CCDC42: variants seen among roughly 807,000 people sequenced by gnomAD.
CCDC42 encodes the protein coiled-coil domain-containing protein 42.
A neutral mutation model predicts 40.8 loss-of-function variants in CCDC42; 38 were observed. The ratio of observed to expected loss-of-function variants is 0.93; its 90% CI spans 0.72 to 1.22. The LOEUF (loss-of-function observed/expected upper bound fraction) is 1.22. CCDC42 is among the 50% of genes most tolerant of loss of function. The pLI, the probability that CCDC42 is intolerant of heterozygous loss-of-function variation, is 0.00. For synonymous variants in CCDC42, 135 were observed against 157.5 expected (o/e 0.86, Z 1.07); for missense variants, 379 against 416.5 (o/e 0.91, Z 0.78).
intron 4 of CCDC42, among the ~76,000 whole-genome samples, chr17:8,739,947 A>G (rs963923343): frequency 3.3e-5 from 5 of 152,184 alleles, no homozygotes; most frequent in Non-Finnish European, 7.3e-5. Context: ...TATAGTACGT[A>G]GCACCTTTGA....
intron 4 of CCDC42, among the ~76,000 whole-genome samples, chr17:8,736,318 T>C (rs1032435838): frequency 6.6e-6 from 1 of 152,162 alleles, no homozygotes; most frequent in African/African-American, 2.4e-5. Flanking sequence ...TATTTGTTCA[T>C]TTACTGAGGG....
intron 3 of CCDC42, 53 bp from the exon 4 acceptor site, chr17:8,741,724 G>A (rs1418618865): frequency 1.5e-5 from 23 of 1,561,700 alleles, no homozygotes; most frequent in Non-Finnish European, 1.9e-5. Flanking sequence ...GCCCTCCCGG[G>A]GCCCAGGCCT....
intron 4 of CCDC42, 79 bp downstream of exon 4, chr17:8,741,395 C>T: frequency 1.4e-6 from 2 of 1,419,790 alleles, no homozygotes; most frequent in East Asian, 2.3e-5. Context: ...TGAATTCCAT[C>T]CCATGGCCCC....
In CCDC42 at chr17:8,744,542, A is replaced by C. The variant is rs1187381478; in HGVS notation, c.68T>G (p.Leu23Arg). 3 of 1,611,992 alleles carry C rather than the reference A, an allele frequency of 1.9e-6. No homozygotes were observed. The highest frequency in any genetic ancestry group is 2.2e-5 in the South Asian group (2 of 91,076). The part of the protein sequence containing the change: ...EYFRLQYGER[L>R]LQMLQKLPNV... ...AGACACTCACTGGAGCATCTGCAGCAGCCGCTCCCCATACTGCAGCCGGAA... is the reference window on the plus strand; with the variant it reads ...AGACACTCACTGGAGCATCTGCAGCCGCCGCTCCCCATACTGCAGCCGGAA... The change falls in exon 1 of 7, where the codon CTG becomes CGG. Residue 23 changes from leucine (L) to arginine (R), a missense_variant. Transcript: ENST00000293845.
At position 8,735,772 on chromosome 17, in the gene CCDC42, T is replaced by C. The variant is rs35350593; in HGVS notation, c.493-161A>G. On this transcript the variant is annotated intron_variant, in intron 4 of 6. Coordinates refer to ENST00000293845, the MANE Select transcript of CCDC42 (RefSeq NM_144681.3). The surrounding 1 kb of genome is among the most constrained non-coding windows in gnomAD (Gnocchi z 4.7). Reference sequence around the variant, plus strand: ...CAGAGGCTGTGAGGGACACTGGGGTTCCGCTGCCTGCTTCTCCTGGGTTTG... The same window carrying C: ...CAGAGGCTGTGAGGGACACTGGGGTCCCGCTGCCTGCTTCTCCTGGGTTTG... Among the ~76,000 whole-genome samples the C allele has an allele frequency of 0.43, 64,638 of 152,030 alleles. 14,057 individuals carry two copies. Among genetic ancestry groups the C allele is most frequent in the Non-Finnish European group, 0.46 (31,291 of 67,952 alleles).
At chr17:8,732,211 A>G (rs1334889992) in intron 6 of CCDC42, among the ~76,000 whole-genome samples, 1 of 148,754 alleles carries the variant, frequency 6.7e-6, no homozygotes. Context: ...AGGCAGGAGA[A>G]TGGCGTGAAC....
Position 8,735,309 on chromosome 17 carries a change from G to C in CCDC42, c.715-55C>G. ...CACAGCATGTGGTGTGTGTGTGTTT[G>C]TGTGTATGTGTGTGTGTGTATGCTC... is the stretch of plus-strand genomic sequence containing the variant. On this transcript the variant is annotated intron_variant, in intron 5 of 6. Transcript: ENST00000293845. The surrounding 1 kb of genome is among the most constrained non-coding windows in gnomAD (Gnocchi z 4.7). 6.2e-7 allele frequency: 1 copy of C among 1,611,212 alleles called. No individual in the cohort carries two copies. The highest frequency in any genetic ancestry group is 8.5e-7 in the Non-Finnish European group (1 of 1,177,658).
intron 4 of CCDC42, among the ~76,000 whole-genome samples, chr17:8,738,395 A>G (rs1245767161): frequency 6.6e-6 from 1 of 152,118 alleles, no homozygotes; most frequent in Non-Finnish European, 1.5e-5. Flanking sequence ...ACTTTTGTGT[A>G]TGCTTAAAAA....
chr17:8,734,832 A>G (rs73973202), intron 6 of CCDC42, among the ~76,000 whole-genome samples: 4,485 of 152,228 alleles, frequency 0.029, 234 homozygotes, highest in African/African-American at 0.1. Flanking sequence ...AATGGTTCTC[A>G]AAGTATGGAA....
intron 4 of CCDC42, among the ~76,000 whole-genome samples, chr17:8,736,605 G>A (rs1472024391): frequency 6.6e-6 from 1 of 152,218 alleles, no homozygotes; most frequent in Non-Finnish European, 1.5e-5. Flanking sequence ...TCCAGTGATG[G>A]ATGCGTGTCC....
rs752804768 is a variant in CCDC42, at chr17:8,741,563, G to C, written c.403C>G (p.Leu135Val). ...CTCAGCCGCTGGTGCTCCAGCCGCA[G>C]CGCCACCATCTCCTGCTTGCGCTTG... Reference protein sequence around the residue: ...LTKRKQEMVALRLEHQRLSAK... With the variant: ...LTKRKQEMVAVRLEHQRLSAK... The change falls in exon 4 of 7, where the codon CTG becomes GTG. Residue 135 changes from leucine (L) to valine (V), a missense_variant. Leu to Val is a conservative substitution (Grantham distance 32, BLOSUM62 1). Coordinates refer to ENST00000293845, the MANE Select transcript of CCDC42 (RefSeq NM_144681.3). The C allele has an allele frequency of 6.2e-7, 1 of 1,614,220 alleles. No individual in the cohort carries two copies. The highest frequency in any genetic ancestry group is 8.5e-7 in the Non-Finnish European group (1 of 1,180,042).
chr17:8,735,001 T>A lies in CCDC42; in HGVS notation c.873+95A>T, dbSNP rs2086600959. ...TGTTAAATTTTGAGAGTCCCTGCTC[T>A]GCTTCTCTGTCAGGTTCATTCTTCC... On this transcript the variant is annotated intron_variant, in intron 6 of 6. Coordinates refer to ENST00000293845, the MANE Select transcript of CCDC42 (RefSeq NM_144681.3). The surrounding 1 kb of genome is among the most constrained non-coding windows in gnomAD (Gnocchi z 4.7). 22 of 1,370,080 alleles carry A rather than the reference T, an allele frequency of 1.6e-5. No homozygotes were observed. The highest frequency in any genetic ancestry group is 2.1e-5 in the Non-Finnish European group (21 of 982,332). 84.9% of individuals were successfully genotyped at this position (1,370,080 alleles called of 1,614,324 possible). A position where few individuals can be genotyped will look rare whatever the true frequency, so the allele number is the denominator to read the frequency against.
At position 8,744,100 on chromosome 17, in the gene CCDC42, T is replaced by C; in HGVS notation, c.168A>G (p.Gln56=). The C allele has an allele frequency of 6.2e-7, 1 of 1,613,198 alleles. No individual in the cohort carries two copies. The highest frequency in any genetic ancestry group is 8.5e-7 in the Non-Finnish European group (1 of 1,179,326). The change falls in exon 2 of 7, where the codon CAA becomes CAG. Residue 56 remains glutamine, a synonymous_variant. Transcript: ENST00000293845. ...CCACCTTCTTCTTCTGCACCATAGT[T>C]TGATGCATGATTTCTGTCTCCTTTT... ...EKKKETEIMH[Q]TMVQKKKMFQ...
In CCDC42 at chr17:8,744,286, G is replaced by A. The variant is rs893858933; in HGVS notation, c.84-102C>T. The A allele has an allele frequency of 9.0e-6, 8 of 886,090 alleles. No individual in the cohort carries two copies. The African/African-American group carries it at 1.2e-4, about 13-fold the overall frequency. 54.9% of individuals were successfully genotyped at this position (886,090 alleles called of 1,614,324 possible). ...CAGATACCCATGGGGAAGCAGAGGG[G>A]CCTCTCTCCCTTTCCGAGGGAAAGG... On this transcript the variant is annotated intron_variant, in intron 1 of 6. Coordinates refer to ENST00000293845, the MANE Select transcript of CCDC42 (RefSeq NM_144681.3).
At chr17:8,734,968 C>T (rs1247796765) in intron 6 of CCDC42, 128 bp downstream of exon 6, 4 of 955,634 alleles carry the variant, frequency 4.2e-6, no homozygotes, top group Admixed American at 4.5e-5. Flanking sequence ...CCCAGGTGAT[C>T]CTGATGTTGT....
At chr17:8,733,816 C>T (rs1395935831) in intron 6 of CCDC42, among the ~76,000 whole-genome samples, 1 of 152,128 alleles carries the variant, frequency 6.6e-6, no homozygotes, top group Non-Finnish European at 1.5e-5. Context: ...TTTACAACAG[C>T]TAAGGGCAAG....
At chr17:8,744,272 G>A (rs2086664218) in intron 1 of CCDC42, 88 bp from the exon 2 acceptor site, 3 of 1,009,942 alleles carry the variant, frequency 3.0e-6, no homozygotes, top group South Asian at 2.9e-5. Context: ...AGATACCCAT[G>A]GGGAAGCAGA....
rs1168448825 is a variant in CCDC42, at chr17:8,744,591, C to G, written c.19G>C (p.Glu7Gln). The change falls in exon 1 of 7, where the codon GAA (glutamate) becomes CAA (glutamine). Residue 7 changes from glutamate (E) to glutamine (Q), a missense_variant. Coordinates refer to ENST00000293845, the MANE Select transcript of CCDC42 (RefSeq NM_144681.3). ...AAGTACTCGGCCAGGTCTTCCTCTT[C>G]CATGATGCCCAGACTCATGGTGGCA... MSLGIMEEEDLAEYFRL... is the reference protein window; with the variant it reads MSLGIMQEEDLAEYFRL... 1 of 1,612,446 alleles carries G rather than the reference C, an allele frequency of 6.2e-7. No homozygotes were observed. Among genetic ancestry groups the G allele is most frequent in the African/African-American group, 1.3e-5 (1 of 74,914 alleles).
chr17:8,742,139 TC>T (rs2151140488), intron 3 of CCDC42, among the ~76,000 whole-genome samples: 1 of 152,010 alleles, frequency 6.6e-6, no homozygotes, highest in South Asian at 2.1e-4. Flanking sequence ...TGGTTTCTGT[TC>T]TTAGTGGTGG....
Sources: gnomAD v4.1 joint callset for allele counts (sites outside exome capture counted in the v4.1 genomes callset) on GRCh38, gnomAD v4.1.1 for gene constraint, Gnocchi (gnomAD v3.1) non-coding constraint, MANE v1.5 for transcripts, NCBI Gene and HGNC (gene_info 2026-07-23, HGNC 2026-07-21) for gene names.